HEPHL1: variants seen among roughly 807,000 people sequenced by gnomAD.
The protein encoded by HEPHL1 is ferroxidase HEPHL1.
In HEPHL1, 123 loss-of-function variants were observed where a neutral mutation model predicts 122.0. The ratio of observed to expected loss-of-function variants is 1.01; its 90% confidence interval spans 0.87 to 1.17. The LOEUF (loss-of-function observed/expected upper bound fraction) is 1.17. HEPHL1 is among the 50% of genes most tolerant of loss of function. The pLI is 0.00. For synonymous variants in HEPHL1, 527 were observed against 508.9 expected, an observed-to-expected ratio of 1.04 and a Z score of -0.48; for missense variants, 1,452 against 1,430.5, an observed-to-expected ratio of 1.01 and a Z score of -0.24.
At chr11:94,037,162 G>A (rs992963837) in intron 1 of HEPHL1, among the ~76,000 whole-genome samples, 5 of 152,170 alleles carry the variant, frequency 3.3e-5, no homozygotes, top group Admixed American at 6.5e-5. Context: ...TTTTCAGACC[G>A]GCTTAAAAAA....
Position 94,111,615 on chromosome 11 carries a change from C to T in HEPHL1, c.3277+10C>T. ...ACGGTGCCATCTAACGGTAATGATA[C>T]CCTCTCCCCATGTAAATGAGTCAAC... On this transcript the variant is annotated intron_variant, in intron 19 of 19. Coordinates refer to ENST00000315765, the MANE Select transcript of HEPHL1 (RefSeq NM_001098672.2). 5 of 1,607,022 alleles carry T rather than the reference C, an allele frequency of 3.1e-6. No homozygotes were observed. Among genetic ancestry groups the T allele is most frequent in the Middle Eastern group, 1.7e-4 (1 of 6,050 alleles).
At chr11:94,109,301 T>A (rs560892837) in intron 17 of HEPHL1, among the ~76,000 whole-genome samples, 2 of 152,298 alleles carry the variant, frequency 1.3e-5, no homozygotes, top group African/African-American at 4.8e-5. Flanking sequence ...ATGTTGTCTG[T>A]GAATAGACAT....
intron 13 of HEPHL1, among the ~76,000 whole-genome samples, chr11:94,097,782 T>G (rs1271456386): frequency 6.6e-6 from 1 of 152,228 alleles, no homozygotes; most frequent in African/African-American, 2.4e-5. Flanking sequence ...TGGCCTTCTT[T>G]GTCTCTTCTG....
chr11:94,028,617 C>A (rs933621330), intron 1 of HEPHL1, among the ~76,000 whole-genome samples: 2 of 152,184 alleles, frequency 1.3e-5, no homozygotes, highest in African/African-American at 4.8e-5. Flanking sequence ...TCTTTTGCAG[C>A]AGGAAGTAGA....
intron 4 of HEPHL1, among the ~76,000 whole-genome samples, chr11:94,066,598 C>T (rs539180924): frequency 1.3e-5 from 2 of 151,676 alleles, no homozygotes; most frequent in Non-Finnish European, 2.9e-5. Context: ...GAGACCTAAT[C>T]AAGTAAAGGA....
At chr11:94,089,274 G>A (rs1314486515) in intron 12 of HEPHL1, among the ~76,000 whole-genome samples, 7 of 152,146 alleles carry the variant, frequency 4.6e-5, no homozygotes, top group African/African-American at 7.2e-5. Flanking sequence ...TAGTGGGGCT[G>A]GGAAGACAAA....
At chr11:94,047,547 C>A (rs1945851162) in intron 2 of HEPHL1, among the ~76,000 whole-genome samples, 1 of 151,882 alleles carries the variant, frequency 6.6e-6, no homozygotes, top group Non-Finnish European at 1.5e-5. Flanking sequence ...TCTCATTCTT[C>A]TTATGGCTGC....
intron 16 of HEPHL1, 69 bp downstream of exon 16, chr11:94,104,819 G>T (rs1372164949): frequency 2.5e-6 from 3 of 1,189,230 alleles, no homozygotes; most frequent in Non-Finnish European, 3.6e-6. Context: ...AATGTAGGAG[G>T]CTCCCAGCAT....
chr11:94,075,991 T>C (rs1043955200), intron 9 of HEPHL1, among the ~76,000 whole-genome samples: 1 of 152,174 alleles, frequency 6.6e-6, no homozygotes, highest in African/African-American at 2.4e-5. Context: ...ATATTAAACA[T>C]ATTAATGAAA....
intron 1 of HEPHL1, among the ~76,000 whole-genome samples, chr11:94,030,245 G>A (rs866230141): frequency 6.6e-6 from 1 of 152,102 alleles, no homozygotes; most frequent in Non-Finnish European, 1.5e-5. Context: ...TATAAAACTG[G>A]GCAACTCTGA....
intron 2 of HEPHL1, among the ~76,000 whole-genome samples, chr11:94,053,297 G>A (rs1464404855): frequency 6.6e-6 from 1 of 151,860 alleles, no homozygotes; most frequent in African/African-American, 2.4e-5. Context: ...TTTCTGTATG[G>A]TCAGTGATGT....
At chr11:94,076,221 G>A (rs1946122406) in intron 9 of HEPHL1, among the ~76,000 whole-genome samples, 1 of 152,080 alleles carries the variant, frequency 6.6e-6, no homozygotes, top group Non-Finnish European at 1.5e-5. Context: ...TGTGTTATAA[G>A]ACTGAATGTT....
intron 2 of HEPHL1, among the ~76,000 whole-genome samples, chr11:94,061,809 TCATTA>T (rs1340329481): frequency 1.3e-5 from 2 of 152,188 alleles, no homozygotes; most frequent in Non-Finnish European, 2.9e-5. Flanking sequence ...AAGACATAAT[TCATTA>T]CATTACTGAA....
At chr11:94,099,946 C>T (rs1946354157) in intron 13 of HEPHL1, among the ~76,000 whole-genome samples, 1 of 152,158 alleles carries the variant, frequency 6.6e-6, no homozygotes, top group South Asian at 2.1e-4. Context: ...AATTCCCTGA[C>T]CCCTTGTGCT....
chr11:94,111,506 A>G, intron 18 of HEPHL1, 31 bp from the exon 19 acceptor site: 1 of 1,533,622 alleles, frequency 6.5e-7, no homozygotes, highest in South Asian at 1.2e-5. Flanking sequence ...TCTGTTGTTA[A>G]TAAAACAATG....
In HEPHL1 at chr11:94,093,506, G is replaced by A. The variant is rs1342205778; in HGVS notation, c.2300G>A (p.Gly767Glu). The change falls in exon 13 of 20, where the codon GGA (glycine) becomes GAA (glutamate). Residue 767 changes from glycine (G) to glutamate (E), a missense_variant. By Grantham distance (98) the Gly-to-Glu change is moderately conservative. Coordinates refer to ENST00000315765, the MANE Select transcript of HEPHL1 (RefSeq NM_001098672.2). Reference sequence around the variant, plus strand: ...CTGATGCTTCTGATTTGCAGACATGGAGATATATTTATGAACCGCACTGAA... The same window carrying A: ...CTGATGCTTCTGATTTGCAGACATGAAGATATATTTATGAACCGCACTGAA... ...QHVDARGERH[G>E]DIFMNRTENW... 1.2e-6 allele frequency: 2 copies of A among 1,613,410 alleles called. No individual in the cohort carries two copies. Among genetic ancestry groups the A allele is most frequent in the Middle Eastern group, 1.7e-4 (1 of 6,060 alleles).
At chr11:94,065,788 C>T (rs1946028513) in intron 4 of HEPHL1, among the ~76,000 whole-genome samples, 1 of 152,162 alleles carries the variant, frequency 6.6e-6, no homozygotes, top group South Asian at 2.1e-4. Context: ...TAAGACTCAC[C>T]TGCCCAAATA....
At chr11:94,065,853 A>G (rs1323917269) in intron 4 of HEPHL1, among the ~76,000 whole-genome samples, 1 of 152,214 alleles carries the variant, frequency 6.6e-6, no homozygotes, top group African/African-American at 2.4e-5. Flanking sequence ...ACAAAATGAA[A>G]TGAATTACAT....
intron 12 of HEPHL1, among the ~76,000 whole-genome samples, chr11:94,092,957 T>A (rs1466101501): frequency 1.3e-5 from 2 of 152,170 alleles, no homozygotes; most frequent in African/African-American, 4.8e-5. Context: ...ATCAACTGTA[T>A]CTATCTATAT....
Sources: gnomAD v4.1 joint callset for allele counts (sites outside exome capture counted in the v4.1 genomes callset) on GRCh38, gnomAD v4.1.1 for gene constraint, MANE v1.5 for transcripts, NCBI Gene and HGNC (gene_info 2026-07-23, HGNC 2026-07-21) for gene names.